The following VPS35L variants were observed in gnomAD, a reference collection of about 807,000 sequenced individuals.
The protein encoded by VPS35L is VPS35 endosomal protein sorting factor like.
In VPS35L, 83 loss-of-function variants were observed where a neutral mutation model predicts 133.0. The ratio of observed to expected loss-of-function variants is 0.62; its 90% CI spans 0.52 to 0.75. VPS35L has a LOEUF of 0.75. VPS35L is among the 30% of genes least tolerant of loss of function. The pLI, the probability that VPS35L is intolerant of heterozygous loss-of-function variation, is 0.00. For synonymous variants in VPS35L, 423 were observed against 449.9 expected, an observed-to-expected ratio of 0.94 and a Z score of 0.76; for missense variants, 1,083 against 1,206.8, an observed-to-expected ratio of 0.90 and a Z score of 1.52.
In VPS35L at chr16:19,555,752, G is replaced by A. The variant is rs1053424902; in HGVS notation, c.17+6G>A. On this transcript the variant is annotated splice_donor_region_variant and intron_variant, in intron 1 of 30. Transcript: ENST00000417362. Reference sequence around the variant, plus strand: ...AAGATGGCCGTCTTTCCTTGGTAAGGAAGCAGCGGCGGGTGGGCTTTGGAG... The same window carrying A: ...AAGATGGCCGTCTTTCCTTGGTAAGAAAGCAGCGGCGGGTGGGCTTTGGAG... 5.7e-6 allele frequency: 9 copies of A among 1,574,978 alleles called. No homozygotes were observed. Among genetic ancestry groups the A allele is most frequent in the African/African-American group, 1.4e-5 (1 of 73,892 alleles).
chr16:19,582,571 A>G (rs567630307), intron 7 of VPS35L, among the ~76,000 whole-genome samples: 1 of 152,338 alleles, frequency 6.6e-6, no homozygotes, highest in East Asian at 1.9e-4. Context: ...GTTAGTTTAC[A>G]GAGTAAATAG....
At chr16:19,604,080 A>G (rs59245535) in intron 9 of VPS35L, among the ~76,000 whole-genome samples, 3,750 of 151,148 alleles carry the variant, frequency 0.025, 153 homozygotes, top group African/African-American at 0.085. Flanking sequence ...ATGCTATACC[A>G]TTGGCAGCAA....
At chr16:19,576,823 C>T (rs1186107801) in intron 5 of VPS35L, among the ~76,000 whole-genome samples, 1 of 151,828 alleles carries the variant, frequency 6.6e-6, no homozygotes, top group Non-Finnish European at 1.5e-5. Context: ...TCTCCCACCT[C>T]AGCCTTCTGA....
intron 28 of VPS35L, among the ~76,000 whole-genome samples, chr16:19,683,499 G>A (rs904436775): frequency 6.6e-6 from 1 of 152,052 alleles, no homozygotes; most frequent in Non-Finnish European, 1.5e-5. Flanking sequence ...CCATCTTTAT[G>A]CCCATGGGTA....
chr16:19,609,638 G>T (rs150467112), intron 11 of VPS35L, among the ~76,000 whole-genome samples: 1 of 152,202 alleles, frequency 6.6e-6, no homozygotes, highest in Admixed American at 6.5e-5. Context: ...ATGTTAGATA[G>T]CTAGATAATA....
intron 21 of VPS35L, 142 bp from the exon 22 acceptor site, chr16:19,642,254 G>A (rs563032953): frequency 8.1e-5 from 51 of 632,144 alleles, no homozygotes; most frequent in Middle Eastern, 7.9e-4. Flanking sequence ...AACATGGCTC[G>A]TTACTGGTAA....
At chr16:19,617,621 C>T (rs1451005847) in intron 14 of VPS35L, 1 of 152,096 alleles carries the variant, frequency 6.6e-6, no homozygotes, top group Non-Finnish European at 1.5e-5. Context: ...GAAGTGACAT[C>T]AGAATCATAG....
intron 27 of VPS35L, among the ~76,000 whole-genome samples, chr16:19,674,031 A>G (rs186122876): frequency 7.6e-4 from 116 of 152,228 alleles, no homozygotes; most frequent in African/African-American, 2.8e-3. Context: ...CACAGATGCT[A>G]CAGGATGTTT....
intron 27 of VPS35L, among the ~76,000 whole-genome samples, chr16:19,670,500 TAGTG>T (rs1974840085): frequency 1.3e-5 from 2 of 152,232 alleles, no homozygotes; most frequent in African/African-American, 4.8e-5. Context: ...AATATTAAGT[TAGTG>T]AGTACTCACA....
chr16:19,625,801 G>A (rs1973242188), intron 14 of VPS35L, among the ~76,000 whole-genome samples: 1 of 152,078 alleles, frequency 6.6e-6, no homozygotes, highest in African/African-American at 2.4e-5. Context: ...AGCCCTCTGA[G>A]TAGCTGGGAT....
intron 8 of VPS35L, among the ~76,000 whole-genome samples, chr16:19,593,873 C>T (rs901459904): frequency 3.1e-4 from 46 of 150,736 alleles, no homozygotes; most frequent in African/African-American, 1.1e-3. Context: ...GCCAAGATCA[C>T]GCCACTGCAC....
At chr16:19,665,851 T>C (rs1375620395) in intron 26 of VPS35L, among the ~76,000 whole-genome samples, 1 of 152,256 alleles carries the variant, frequency 6.6e-6, no homozygotes, top group Non-Finnish European at 1.5e-5. Context: ...TGTCGTTGCC[T>C]GTCTTTTGGA....
intron 1 of VPS35L, among the ~76,000 whole-genome samples, chr16:19,556,636 A>C (rs1384699534): frequency 6.6e-6 from 1 of 152,256 alleles, no homozygotes; most frequent in Non-Finnish European, 1.5e-5. Flanking sequence ...GAAGTAGCTT[A>C]GATTAAATGA....
In VPS35L at chr16:19,691,474, G is replaced by T; in HGVS notation, c.2646+3G>T. ...TGAAAACCCTGGCCAAGGACGAGGT[G>T]GGTGCCCTCTGCTGTCCTCCACCCG... On this transcript the variant is annotated splice_donor_region_variant and intron_variant, in intron 29 of 30. Transcript: ENST00000417362. 6.2e-7 allele frequency: 1 copy of T among 1,609,800 alleles called. No individual in the cohort carries two copies. Among genetic ancestry groups the T allele is most frequent in the South Asian group, 1.1e-5 (1 of 90,916 alleles).
intron 1 of VPS35L, among the ~76,000 whole-genome samples, chr16:19,560,593 C>G (rs960664391): frequency 2.0e-5 from 3 of 151,954 alleles, no homozygotes; most frequent in Admixed American, 2.0e-4. Flanking sequence ...GTCAGGACTT[C>G]TAGACCAGCC....
chr16:19,557,708 G>C (rs1041025033), intron 1 of VPS35L, among the ~76,000 whole-genome samples: 2 of 151,868 alleles, frequency 1.3e-5, no homozygotes, highest in Admixed American at 1.3e-4. Context: ...TCCTTTTGAA[G>C]TATGCATTCA....
At chr16:19,599,895 G>A (rs1972327272) in intron 8 of VPS35L, among the ~76,000 whole-genome samples, 1 of 152,082 alleles carries the variant, frequency 6.6e-6, no homozygotes, top group Non-Finnish European at 1.5e-5. Context: ...AAAATAATTA[G>A]CCAAGCATGG....
At chr16:19,697,617 G>A (rs187582129) in intron 29 of VPS35L, among the ~76,000 whole-genome samples, 2 of 152,240 alleles carry the variant, frequency 1.3e-5, no homozygotes, top group South Asian at 2.1e-4. Flanking sequence ...TCTGTGGAAC[G>A]TTGGATGGAT....
At chr16:19,605,096 C>G (rs575839267) in intron 9 of VPS35L, among the ~76,000 whole-genome samples, 2 of 152,262 alleles carry the variant, frequency 1.3e-5, no homozygotes, top group East Asian at 3.9e-4. Flanking sequence ...CCTGGCCTTT[C>G]CAGCACATGC....
Sources: gnomAD v4.1 joint callset for allele counts (sites outside exome capture counted in the v4.1 genomes callset) on GRCh38, gnomAD v4.1.1 for gene constraint, MANE v1.5 for transcripts, NCBI Gene and HGNC (gene_info 2026-07-23, HGNC 2026-07-21) for gene names.